The following EIPR1 variants were observed in gnomAD, a reference collection of about 807,000 sequenced individuals.
EIPR1 encodes the protein EARP complex and GARP complex interacting protein 1, also known as EARP and GARP complex-interacting protein 1.
In EIPR1, 25 loss-of-function variants were observed where a neutral mutation model predicts 48.1. The observed-to-expected ratio is 0.52, with a 90% CI of 0.38 to 0.73. The LOEUF is 0.73. EIPR1 is among the 30% of genes least tolerant of loss of function. The pLI is 0.00. For synonymous variants in EIPR1, 204 were observed against 201.9 expected, an observed-to-expected ratio of 1.01 and a Z score of -0.09; for missense variants, 415 against 506.2, an observed-to-expected ratio of 0.82 and a Z score of 1.73.
chr2:3,321,298 T>C (rs1018422574), intron 3 of EIPR1, among the ~76,000 whole-genome samples: 11 of 152,260 alleles, frequency 7.2e-5, no homozygotes, highest in African/African-American at 1.9e-4. Context: ...TCTTTTAACA[T>C]CTGCACAGAA....
intron 3 of EIPR1, among the ~76,000 whole-genome samples, chr2:3,272,937 A>T (rs1287152728): frequency 6.6e-6 from 1 of 150,594 alleles, no homozygotes; most frequent in Non-Finnish European, 1.5e-5. Flanking sequence ...ACTCTCCTAG[A>T]ATCTACACCA....
intron 1 of EIPR1, among the ~76,000 whole-genome samples, chr2:3,369,982 ACC>A (rs552578488): frequency 2.7e-5 from 4 of 150,656 alleles, no homozygotes; most frequent in Non-Finnish European, 5.9e-5. Context: ...ACTGGGAGGC[ACC>A]CCCCCCGTAG....
intron 3 of EIPR1, among the ~76,000 whole-genome samples, chr2:3,307,134 T>G (rs1668971101): frequency 6.6e-6 from 1 of 152,030 alleles, no homozygotes; most frequent in Admixed American, 6.6e-5. Context: ...TGCTAATTTT[T>G]GTATTTTAGT....
intron 1 of EIPR1, among the ~76,000 whole-genome samples, chr2:3,374,975 C>T (rs113415079): frequency 0.15 from 20,943 of 135,312 alleles, 1,524 homozygotes; most frequent in Non-Finnish European, 0.2. Context: ...GACTTGGAAC[C>T]AACCCAAATG....
At position 3,257,596 on chromosome 2, in the gene EIPR1, C is replaced by T. The variant is rs537751524; in HGVS notation, c.260-141G>A. ...TATGTACGATTGCAGGCAGCAAAGA[C>T]GGAGCAGGGAGAAGCACAGCCTGAG... On this transcript the variant is annotated intron_variant, in intron 3 of 8. Transcript: ENST00000382125. The T allele has an allele frequency of 1.6e-4, 161 of 1,038,226 alleles. 1 individual carries two copies. In the African/African-American group the frequency reaches 1.7e-3, roughly 11 times the overall value. The allele number at this position is 1,038,226 out of a possible 1,614,324, so 64.3% of individuals were successfully genotyped here. A position where few individuals can be genotyped will look rare whatever the true frequency, so the allele number is the denominator to read the frequency against.
chr2:3,369,749 G>A (rs976071640), intron 1 of EIPR1, among the ~76,000 whole-genome samples: 2 of 152,258 alleles, frequency 1.3e-5, no homozygotes, highest in Admixed American at 6.5e-5. Context: ...GAACTGGGTG[G>A]AGCGCACCAC....
intron 2 of EIPR1, among the ~76,000 whole-genome samples, chr2:3,343,699 C>T (rs1670317728): frequency 6.6e-6 from 1 of 152,220 alleles, no homozygotes; most frequent in Non-Finnish European, 1.5e-5. Context: ...TTAATCACCT[C>T]TCCCTCCTTT....
intron 3 of EIPR1, chr2:3,274,355 G>A: frequency 6.4e-7 from 1 of 1,550,498 alleles, no homozygotes; most frequent in Non-Finnish European, 8.7e-7. Flanking sequence ...CCAGTGCTAT[G>A]AACAGTTGGG....
intron 1 of EIPR1, among the ~76,000 whole-genome samples, chr2:3,367,107 TAAA>T (rs34760448): frequency 2.8e-5 from 4 of 142,694 alleles, no homozygotes; most frequent in Admixed American, 6.9e-5. Flanking sequence ...CTGATGAAAT[TAAA>T]AAAAAAAAAA....
intron 3 of EIPR1, among the ~76,000 whole-genome samples, chr2:3,328,509 C>T (rs62119478): frequency 5.0e-5 from 5 of 99,340 alleles, no homozygotes; most frequent in African/African-American, 1.3e-4. Flanking sequence ...GCCAGCCAGG[C>T]TCCCCTGAAT....
intron 5 of EIPR1, among the ~76,000 whole-genome samples, chr2:3,201,301 C>T (rs1164578317): frequency 6.6e-6 from 1 of 152,228 alleles, no homozygotes; most frequent in Admixed American, 6.5e-5. Context: ...TAGACTGGCA[C>T]AGCCGGGCCA....
chr2:3,207,483 A>T (rs1665278492), intron 5 of EIPR1, among the ~76,000 whole-genome samples: 1 of 152,220 alleles, frequency 6.6e-6, no homozygotes, highest in African/African-American at 2.4e-5. Context: ...TCATCTAGAT[A>T]CTGCAGGCCC....
rs370997453 is a variant in EIPR1 at position 3,214,285 on chromosome 2, A to G, written c.417-37T>C. ...AGAAGTACCAAATGTTAACATAAACATTTGAGATACCCAGGCTGGTAGGTA... is the reference window on the plus strand; with the variant it reads ...AGAAGTACCAAATGTTAACATAAACGTTTGAGATACCCAGGCTGGTAGGTA... On this transcript the variant is annotated intron_variant, in intron 4 of 8. Transcript: ENST00000382125. 57 of 1,586,182 alleles carry G rather than the reference A, an allele frequency of 3.6e-5. No homozygotes were observed. The African/African-American group carries it at 7.1e-4, about 20-fold the overall frequency.
chr2:3,347,963 C>T (rs538912914), intron 2 of EIPR1, among the ~76,000 whole-genome samples: 28 of 152,178 alleles, frequency 1.8e-4, no homozygotes, highest in African/African-American at 5.8e-4. Context: ...GCAGGAGCAG[C>T]GGGGAAGAAA....
At chr2:3,209,458 G>A (rs999320303) in intron 5 of EIPR1, among the ~76,000 whole-genome samples, 7 of 152,232 alleles carry the variant, frequency 4.6e-5, no homozygotes, top group African/African-American at 9.6e-5. Flanking sequence ...TGGCGAGGGT[G>A]CGTGGAAGGA....
chr2:3,237,404 A>C (rs1666443231), intron 4 of EIPR1, among the ~76,000 whole-genome samples: 1 of 152,240 alleles, frequency 6.6e-6, no homozygotes, highest in South Asian at 2.1e-4. Flanking sequence ...CCACATTCAC[A>C]GAACCTTTAG....
intron 3 of EIPR1, among the ~76,000 whole-genome samples, chr2:3,294,545 C>CCT (rs1668472527): frequency 7.3e-6 from 1 of 137,404 alleles, no homozygotes; most frequent in African/African-American, 2.8e-5. Context: ...TCCAGCCGAT[C>CCT]CTCTCTACAC....
intron 3 of EIPR1, among the ~76,000 whole-genome samples, chr2:3,329,681 T>A (rs1418320896): frequency 2.1e-5 from 3 of 146,132 alleles, no homozygotes; most frequent in Non-Finnish European, 4.5e-5. Flanking sequence ...TCACCTATCA[T>A]GCTCTAATGA....
intron 5 of EIPR1, chr2:3,207,785 C>G (rs1055496161): frequency 2.6e-5 from 4 of 152,182 alleles, no homozygotes; most frequent in African/African-American, 9.7e-5. Flanking sequence ...TTTTTAATGA[C>G]TTTTATTCAA....
Sources: gnomAD v4.1 joint callset for allele counts (sites outside exome capture counted in the v4.1 genomes callset) on GRCh38, gnomAD v4.1.1 for gene constraint, MANE v1.5 for transcripts, NCBI Gene and HGNC (gene_info 2026-07-23, HGNC 2026-07-21) for gene names.